The following LRRC28 variants were observed in gnomAD, a reference collection of about 807,000 sequenced individuals.
The protein encoded by LRRC28 is leucine-rich repeat-containing protein 28.
Under a neutral mutation model 45.7 loss-of-function variants are expected in LRRC28, and 39 were observed. The ratio of observed to expected loss-of-function variants is 0.85; its 90% confidence interval spans 0.66 to 1.12. LRRC28 has a LOEUF of 1.12. Among genes scored for constraint, LRRC28 ranks in the 50% most tolerant of loss-of-function variants. The probability of loss-of-function intolerance (pLI) is 0.00; values close to 1 mark genes in which losing one functional copy is unlikely to be tolerated. For missense variants in LRRC28, 435 were observed against 438.5 expected (o/e 0.99, Z 0.07); for synonymous variants, 206 against 178.8 (o/e 1.15, Z -1.22).
intron 2 of LRRC28, among the ~76,000 whole-genome samples, chr15:99,271,939 A>G (rs1232182508): frequency 3.3e-5 from 5 of 152,304 alleles, no homozygotes; most frequent in Middle Eastern, 3.4e-3. Context: ...CTTTTGATGT[A>G]ATAGCTATGA....
chr15:99,363,925 T>C (rs1423763174), intron 9 of LRRC28, among the ~76,000 whole-genome samples: 1 of 152,196 alleles, frequency 6.6e-6, no homozygotes, highest in East Asian at 1.9e-4. Context: ...ATTTAAACTT[T>C]TTCTAAGTTT....
chr15:99,354,171 T>C (rs1956975700), intron 7 of LRRC28, among the ~76,000 whole-genome samples: 1 of 152,194 alleles, frequency 6.6e-6, no homozygotes, highest in Non-Finnish European at 1.5e-5. Context: ...TTGGTTTAAA[T>C]CAAAACTCGA....
rs1368429807 is a variant in LRRC28 at position 99,280,929 on chromosome 15, CA to C, written c.209+4316del. On this transcript the variant is annotated intron_variant, in intron 3 of 9. Coordinates refer to ENST00000301981, the MANE Select transcript of LRRC28 (RefSeq NM_144598.5). ...TATTCCCTATGTGCTTCAGTTTGGA[CA>C]AATTGTATGTTCTGTGTTAAAAGTC... Among the ~76,000 whole-genome samples the C allele has an allele frequency of 2.0e-5, 3 of 152,058 alleles. No homozygotes were observed. The East Asian group carries it at 5.8e-4, about 29-fold the overall frequency.
At chr15:99,348,557 G>A (rs1036021400) in intron 6 of LRRC28, among the ~76,000 whole-genome samples, 3 of 152,044 alleles carry the variant, frequency 2.0e-5, no homozygotes, top group Non-Finnish European at 4.4e-5. Flanking sequence ...TCCTCTTGGT[G>A]CCCATTTATG....
At chr15:99,271,928 G>C (rs2081492363) in intron 2 of LRRC28, among the ~76,000 whole-genome samples, 1 of 152,144 alleles carries the variant, frequency 6.6e-6, no homozygotes, top group Admixed American at 6.5e-5. Context: ...TGCTGCTCAT[G>C]CTTTTGATGT....
chr15:99,387,284 TCTCC>T lies in LRRC28; in HGVS notation c.*1183_*1186del, dbSNP rs1255604200. 2 of 151,766 alleles carry T rather than the reference TCTCC, an allele frequency of 1.3e-5. No homozygotes were observed. The highest frequency in any genetic ancestry group is 4.8e-5 in the African/African-American group (2 of 41,306). 9.4% of individuals were successfully genotyped at this position (151,766 alleles called of 1,614,324 possible). On this transcript the variant is annotated 3_prime_UTR_variant, in exon 10 of 10. Coordinates refer to ENST00000301981, the MANE Select transcript of LRRC28 (RefSeq NM_144598.5). ...ACCGTGTTAGCCGGGATGGTCTCGA[TCTCC>T]TGACCTCGTGATCCGCACGCCTCGG...
intron 5 of LRRC28, among the ~76,000 whole-genome samples, chr15:99,305,138 TC>T (rs1173180161): frequency 2.0e-5 from 3 of 152,118 alleles, no homozygotes; most frequent in African/African-American, 7.2e-5. Flanking sequence ...GCTCTAGAGA[TC>T]ATATAAATAC....
intron 9 of LRRC28, among the ~76,000 whole-genome samples, chr15:99,379,156 T>C (rs561986721): frequency 1.1e-3 from 173 of 152,250 alleles, no homozygotes; most frequent in African/African-American, 3.3e-3. Context: ...AGCTGTGAAT[T>C]TGTCTGGTCC....
chr15:99,327,245 T>G (rs1302645838), intron 5 of LRRC28, among the ~76,000 whole-genome samples: 1 of 152,126 alleles, frequency 6.6e-6, no homozygotes, highest in Non-Finnish European at 1.5e-5. Context: ...CAGCTAGTTT[T>G]TGTATTTTTA....
At chr15:99,304,807 G>A (rs1277326549) in intron 5 of LRRC28, among the ~76,000 whole-genome samples, 2 of 152,052 alleles carry the variant, frequency 1.3e-5, no homozygotes, top group Non-Finnish European at 2.9e-5. Context: ...GGGTCTGAAA[G>A]ACTATTTATT....
In LRRC28 at chr15:99,378,684, A is replaced by G. The variant is rs540572423; in HGVS notation, c.1032-7346A>G. Among the ~76,000 whole-genome samples the G allele has an allele frequency of 5.6e-3, 848 of 152,172 alleles. 8 individuals are homozygous for G. The highest frequency in any genetic ancestry group is 0.02 in the African/African-American group (823 of 41,506). On this transcript the variant is annotated intron_variant, in intron 9 of 9. Transcript: ENST00000301981. ...TGATATTGGCTGTGGGTTTGTCATAAATAGCTCTTATTATTTTGAGATACA... is the reference window on the plus strand; with the variant it reads ...TGATATTGGCTGTGGGTTTGTCATAGATAGCTCTTATTATTTTGAGATACA...
At chr15:99,285,006 C>G in intron 3 of LRRC28, 1 of 643,006 alleles carries the variant, frequency 1.6e-6, no homozygotes, top group South Asian at 1.4e-5. Context: ...GCCTCTTTGG[C>G]TGGATGAAGC....
intron 9 of LRRC28, among the ~76,000 whole-genome samples, chr15:99,373,036 A>G (rs1413821804): frequency 1.3e-5 from 2 of 152,042 alleles, no homozygotes; most frequent in Admixed American, 6.5e-5. Flanking sequence ...CCCATGATTT[A>G]ATCACCTCCC....
Position 99,381,731 on chromosome 15 carries a change from T to C in LRRC28, c.1032-4299T>C, listed in dbSNP as rs1042522446. ...TTTTGGTGTGGATGTCCTTTCTGTT[T>C]GTTAGTTTTCTTCTAACAGTCAGGA... is the stretch of plus-strand genomic sequence containing the variant. On this transcript the variant is annotated intron_variant, in intron 9 of 9. Coordinates refer to ENST00000301981, the MANE Select transcript of LRRC28 (RefSeq NM_144598.5). 6.6e-5 allele frequency among the ~76,000 whole-genome samples: 10 copies of C among 152,342 alleles called. No individual in the cohort carries two copies. The East Asian group carries it at 1.9e-3, about 29-fold the overall frequency.
chr15:99,252,323 A>G (rs911558019), intron 1 of LRRC28, among the ~76,000 whole-genome samples: 50 of 152,308 alleles, frequency 3.3e-4, no homozygotes, highest in Admixed American at 1.0e-3. Context: ...CTTTATTGCT[A>G]TTATTGGCAG....
intron 5 of LRRC28, among the ~76,000 whole-genome samples, chr15:99,317,071 C>G (rs1290078601): frequency 6.6e-6 from 1 of 151,682 alleles, no homozygotes; most frequent in Non-Finnish European, 1.5e-5. Context: ...TAGTCAGAGC[C>G]TCATAAATGT....
chr15:99,337,523 G>C (rs1369625420), intron 6 of LRRC28, among the ~76,000 whole-genome samples: 2 of 152,200 alleles, frequency 1.3e-5, no homozygotes, highest in African/African-American at 4.8e-5. Context: ...TCTCTTCTTT[G>C]GTACACAATC....
At chr15:99,298,186 A>G (rs974732256) in intron 5 of LRRC28, among the ~76,000 whole-genome samples, 2 of 152,258 alleles carry the variant, frequency 1.3e-5, no homozygotes, top group Non-Finnish European at 2.9e-5. Context: ...AACTAACACT[A>G]TAACCCAAGT....
chr15:99,314,436 T>C (rs1597323506), intron 5 of LRRC28, among the ~76,000 whole-genome samples: 1 of 125,480 alleles, frequency 8.0e-6, no homozygotes, highest in African/African-American at 3.9e-5. Context: ...AGACCTTGTC[T>C]CTAAATAAAT....
Sources: gnomAD v4.1 joint callset for allele counts (sites outside exome capture counted in the v4.1 genomes callset) on GRCh38, gnomAD v4.1.1 for gene constraint, MANE v1.5 for transcripts, NCBI Gene and HGNC (gene_info 2026-07-23, HGNC 2026-07-21) for gene names.